Variants in GRXCR2 observed in about 807,000 individuals in gnomAD.
GRXCR2 encodes glutaredoxin and cysteine rich domain containing 2, also known as glutaredoxin domain-containing cysteine-rich protein 2.
A neutral mutation model predicts 24.8 loss-of-function variants in GRXCR2; 23 were observed. The observed-to-expected ratio is 0.93, with a 90% confidence interval of 0.67 to 1.32. The LOEUF (loss-of-function observed/expected upper bound fraction) is 1.32, where lower values mean the gene tolerates loss of function less well. Ranked by LOEUF, GRXCR2 falls within the 40% of genes most tolerant of loss-of-function variation. The pLI, the probability that GRXCR2 is intolerant of heterozygous loss-of-function variation, is 0.00. For missense variants in GRXCR2, 315 were observed against 303.4 expected (o/e 1.04, Z -0.28); for synonymous variants, 130 against 116.1 (o/e 1.12, Z -0.77).
intron 2 of GRXCR2, among the ~76,000 whole-genome samples, chr5:145,925,896 A>G (rs534637550): frequency 6.6e-6 from 1 of 152,244 alleles, no homozygotes; most frequent in South Asian, 2.1e-4. Flanking sequence ...TACTCATAAA[A>G]AGAGACATCT....
intron 2 of GRXCR2, among the ~76,000 whole-genome samples, chr5:145,895,158 A>G (rs1756930700): frequency 6.6e-6 from 1 of 152,106 alleles, no homozygotes; most frequent in Non-Finnish European, 1.5e-5. Context: ...GCTATCTATG[A>G]CAAACCCACA....
At chr5:145,912,263 A>G (rs1757175955) in intron 2 of GRXCR2, among the ~76,000 whole-genome samples, 1 of 152,170 alleles carries the variant, frequency 6.6e-6, no homozygotes. Flanking sequence ...CAGTGGGTCA[A>G]TCAGCAGTTA....
At chr5:145,890,542 A>G (rs577819939) in intron 2 of GRXCR2, among the ~76,000 whole-genome samples, 2 of 152,294 alleles carry the variant, frequency 1.3e-5, no homozygotes, top group African/African-American at 4.8e-5. Context: ...ACTGAAGGAG[A>G]AATAAAATAT....
chr5:145,918,650 C>T (rs934468711), intron 2 of GRXCR2, among the ~76,000 whole-genome samples: 1 of 152,192 alleles, frequency 6.6e-6, no homozygotes, highest in African/African-American at 2.4e-5. Flanking sequence ...AGCTGTGTCA[C>T]CTGAATGTCC....
chr5:145,863,713 G>C (rs753167733), intron 2 of GRXCR2, among the ~76,000 whole-genome samples: 14 of 152,152 alleles, frequency 9.2e-5, no homozygotes, highest in Non-Finnish European at 1.6e-4. Context: ...GCCCAGGCTA[G>C]TTTCGAGCTC....
chr5:145,931,076 G>A (rs1757470923), intron 2 of GRXCR2, among the ~76,000 whole-genome samples: 1 of 152,162 alleles, frequency 6.6e-6, no homozygotes, highest in Non-Finnish European at 1.5e-5. Context: ...TTGTCACCCA[G>A]GCTGGAGTGC....
chr5:145,912,315 G>A (rs75429963), intron 2 of GRXCR2, among the ~76,000 whole-genome samples: 155 of 152,280 alleles, frequency 1.0e-3, no homozygotes, highest in African/African-American at 3.6e-3. Flanking sequence ...AGGTTCGGGA[G>A]GCCATGAGAG....
At chr5:145,894,884 C>T (rs1756925585) in intron 2 of GRXCR2, among the ~76,000 whole-genome samples, 1 of 152,246 alleles carries the variant, frequency 6.6e-6, no homozygotes, top group Non-Finnish European at 1.5e-5. Flanking sequence ...CAAAAATCCT[C>T]AATAAAATAC....
chr5:145,896,510 C>T (rs528396811), intron 2 of GRXCR2, among the ~76,000 whole-genome samples: 1 of 152,128 alleles, frequency 6.6e-6, no homozygotes, highest in Non-Finnish European at 1.5e-5. Flanking sequence ...GACATTCATG[C>T]AGCCAAAAGG....
At chr5:145,879,173 G>T (rs2149914690) in intron 2 of GRXCR2, among the ~76,000 whole-genome samples, 1 of 152,210 alleles carries the variant, frequency 6.6e-6, no homozygotes, top group South Asian at 2.1e-4. Flanking sequence ...ATAATGACAG[G>T]ATCAAATTCA....
chr5:145,929,984 G>A (rs1757457959), intron 2 of GRXCR2, among the ~76,000 whole-genome samples: 1 of 152,098 alleles, frequency 6.6e-6, no homozygotes, highest in Non-Finnish European at 1.5e-5. Flanking sequence ...ATCACACCAG[G>A]AGAAAGTTAT....
Position 145,879,512 on chromosome 5 carries a change from T to C in GRXCR2, c.-69-12784A>G, listed in dbSNP as rs188776775. Among the ~76,000 whole-genome samples the C allele has an allele frequency of 6.3e-3, 959 of 152,164 alleles. 9 individuals are homozygous for C. Among genetic ancestry groups the C allele is most frequent in the African/African-American group, 0.022 (908 of 41,508 alleles). Reference sequence around the variant, plus strand: ...AACAAGAAGAGCTAACTATCCTAAATATATATGCACCCAATACAGGAACAA... The same window carrying C: ...AACAAGAAGAGCTAACTATCCTAAACATATATGCACCCAATACAGGAACAA... On this transcript the variant is annotated intron_variant, in intron 2 of 3. Transcript: ENST00000639411.
intron 2 of GRXCR2, among the ~76,000 whole-genome samples, chr5:145,866,134 C>CAA (rs71581841): frequency 0.038 from 3,284 of 85,754 alleles, 47 homozygotes; most frequent in Middle Eastern, 0.082. Flanking sequence ...AACTCCTTCT[C>CAA]AAAAAAAAAA....
At chr5:145,924,483 C>T (rs61586477) in intron 2 of GRXCR2, among the ~76,000 whole-genome samples, 4,849 of 152,188 alleles carry the variant, frequency 0.032, 277 homozygotes, top group African/African-American at 0.11. Flanking sequence ...GGAGATTAAC[C>T]TGATGTTACT....
intron 2 of GRXCR2, among the ~76,000 whole-genome samples, chr5:145,861,397 T>A (rs1376734895): frequency 2.0e-5 from 3 of 152,188 alleles, no homozygotes; most frequent in Non-Finnish European, 4.4e-5. Context: ...TGGGCCTCTC[T>A]GTACTTGGTC....
chr5:145,866,668 G>A lies in GRXCR2; in HGVS notation c.397C>T (p.Arg133Ter), dbSNP rs756784401. The change falls in exon 2 of 3, where the codon CGA becomes TGA. Residue 133 changes from arginine to a stop codon, truncating the protein, a stop_gained. Transcript: ENST00000377976. LOFTEE classifies it high-confidence loss of function. The stretch of plus-strand genomic sequence containing the variant: ...AAATCTCTCTTGTCCATTGGGGTTC[G>A]AATGATTTTCAGGTTATTAGTGTAG... Reference protein sequence around the residue: ...IIYTNNLKIIRTPMDKRDFVR... With the variant: ...IIYTNNLKII 8 of 1,613,630 alleles carry A rather than the reference G, an allele frequency of 5.0e-6. No homozygotes were observed. In the South Asian group the frequency reaches 6.6e-5, roughly 13 times the overall value.
At chr5:145,884,126 A>G (rs1401564829) in intron 2 of GRXCR2, among the ~76,000 whole-genome samples, 1 of 152,164 alleles carries the variant, frequency 6.6e-6, no homozygotes, top group Admixed American at 6.5e-5. Context: ...AACCCCACCT[A>G]TGAAGTATTC....
chr5:145,929,593 G>GTTTTACCAATTACTTGGA (rs1000531111), intron 2 of GRXCR2, among the ~76,000 whole-genome samples: 1 of 152,038 alleles, frequency 6.6e-6, no homozygotes, highest in Admixed American at 6.6e-5. Flanking sequence ...TACAGTTACA[G>GTTTTACCAATTACTTGGA]TTTTACCAAT....
intron 2 of GRXCR2, among the ~76,000 whole-genome samples, chr5:145,918,224 T>C (rs747499845): frequency 2.4e-4 from 37 of 152,236 alleles, no homozygotes; most frequent in Non-Finnish European, 4.7e-4. Flanking sequence ...AACAGAACTT[T>C]ACAACTTACA....
Sources: gnomAD v4.1 joint callset for allele counts (sites outside exome capture counted in the v4.1 genomes callset) on GRCh38, gnomAD v4.1.1 for gene constraint, MANE v1.5 for transcripts, NCBI Gene and HGNC (gene_info 2026-07-23, HGNC 2026-07-21) for gene names.